Variants in MACROD2 observed in about 807,000 individuals in gnomAD.
MACROD2 encodes ADP-ribose glycohydrolase MACROD2.
Under a neutral mutation model 70.4 loss-of-function variants are expected in MACROD2, and 36 were observed. The observed-to-expected ratio is 0.51, with a 90% CI of 0.39 to 0.68. MACROD2 has a LOEUF of 0.68. Among genes scored for constraint, MACROD2 ranks in the 30% least tolerant of loss-of-function variants. MACROD2 has a pLI of 0.00. For missense variants in MACROD2, 496 were observed against 538.4 expected (o/e 0.92, Z 0.78); for synonymous variants, 172 against 178.8 (o/e 0.96, Z 0.30).
At chr20:15,171,889 C>T (rs2076425142) in intron 5 of MACROD2, among the ~76,000 whole-genome samples, 1 of 152,168 alleles carries the variant, frequency 6.6e-6, no homozygotes. Flanking sequence ...CCTTTATCAG[C>T]AGTGTCTACC....
At chr20:14,239,066 C>G (rs2081905815) in intron 3 of MACROD2, among the ~76,000 whole-genome samples, 1 of 148,470 alleles carries the variant, frequency 6.7e-6, no homozygotes, top group African/African-American at 2.5e-5. Context: ...CAGCAGCCTT[C>G]CTATACACCA....
chr20:14,846,286 C>T (rs140448756), intron 5 of MACROD2, among the ~76,000 whole-genome samples: 1,577 of 151,826 alleles, frequency 0.01, 28 homozygotes, highest in Non-Finnish European at 0.014. Context: ...AGTGCAGTGA[C>T]GATCTCGGCT....
At chr20:15,125,821 C>T (rs2076062093) in intron 5 of MACROD2, among the ~76,000 whole-genome samples, 1 of 151,702 alleles carries the variant, frequency 6.6e-6, no homozygotes, top group Non-Finnish European at 1.5e-5. Context: ...CAAAATAAAC[C>T]TTAGACCCAT....
At chr20:15,058,463 G>A (rs1289227207) in intron 5 of MACROD2, among the ~76,000 whole-genome samples, 1 of 152,088 alleles carries the variant, frequency 6.6e-6, no homozygotes, top group Non-Finnish European at 1.5e-5. Flanking sequence ...CTTAGCATAA[G>A]TACATCCCAA....
chr20:15,818,863 A>G (rs1600942862), intron 8 of MACROD2, among the ~76,000 whole-genome samples: 1 of 152,182 alleles, frequency 6.6e-6, no homozygotes, highest in Non-Finnish European at 1.5e-5. Flanking sequence ...CTCACCAAGA[A>G]GTCACGAACT....
intron 3 of MACROD2, among the ~76,000 whole-genome samples, chr20:14,363,144 A>AT (rs2083239112): frequency 6.6e-6 from 1 of 152,176 alleles, no homozygotes; most frequent in Admixed American, 6.5e-5. Flanking sequence ...CTCTCACTCT[A>AT]TATTTTATTA....
chr20:15,214,521 C>A (rs560391073), intron 5 of MACROD2, among the ~76,000 whole-genome samples: 1 of 151,926 alleles, frequency 6.6e-6, no homozygotes, highest in Non-Finnish European at 1.5e-5. Context: ...GATTCCATCT[C>A]TAAAAAAACA....
At chr20:14,109,988 G>T (rs974714764) in intron 3 of MACROD2, among the ~76,000 whole-genome samples, 46 of 151,810 alleles carry the variant, frequency 3.0e-4, no homozygotes, top group Non-Finnish European at 5.7e-4. Flanking sequence ...TAAAGTACAA[G>T]CAAACTGAAT....
chr20:16,013,433 C>T (rs1037523786), intron 15 of MACROD2, among the ~76,000 whole-genome samples: 1 of 152,026 alleles, frequency 6.6e-6, no homozygotes, highest in Non-Finnish European at 1.5e-5. Flanking sequence ...TTACCTTGTA[C>T]CTGTATCTAA....
At chr20:15,000,495 C>T (rs932723645) in intron 5 of MACROD2, among the ~76,000 whole-genome samples, 6 of 144,186 alleles carry the variant, frequency 4.2e-5, no homozygotes, top group South Asian at 2.2e-4. Flanking sequence ...CGGTGGCGGG[C>T]GCCTGTAGTC....
At chr20:14,227,135 C>G (rs2081745351) in intron 3 of MACROD2, among the ~76,000 whole-genome samples, 2 of 152,176 alleles carry the variant, frequency 1.3e-5, no homozygotes, top group East Asian at 3.9e-4. Context: ...TCTAGCTACT[C>G]TGGTGGGGCC....
chr20:14,874,868 C>G (rs1009324567), intron 5 of MACROD2, among the ~76,000 whole-genome samples: 1 of 151,532 alleles, frequency 6.6e-6, no homozygotes, highest in African/African-American at 2.4e-5. Flanking sequence ...CAACCCCTGG[C>G]TAATTTTTGT....
At chr20:14,083,529 A>AT (rs1332457025) in intron 2 of MACROD2, among the ~76,000 whole-genome samples, 5 of 152,174 alleles carry the variant, frequency 3.3e-5, no homozygotes, top group Non-Finnish European at 7.3e-5. Context: ...CATGGAGAGA[A>AT]TAATTTATCC....
At chr20:15,048,565 A>T (rs2075414078) in intron 5 of MACROD2, among the ~76,000 whole-genome samples, 1 of 152,176 alleles carries the variant, frequency 6.6e-6, no homozygotes, top group Admixed American at 6.6e-5. Context: ...ACAAATAAAT[A>T]TACATACATA....
rs145275505 is a variant in MACROD2, at chr20:14,121,588, G to A, written c.271+35860G>A. On this transcript the variant is annotated intron_variant, in intron 3 of 17. Coordinates refer to ENST00000684519, the MANE Select transcript of MACROD2 (RefSeq NM_001351661.2). Reference sequence around the variant, plus strand: ...ACCCTTCTATCTTTTGAAGTATTTGGTTAGATGAAATGTGGATAGTAACCA... The same window carrying A: ...ACCCTTCTATCTTTTGAAGTATTTGATTAGATGAAATGTGGATAGTAACCA... 7.6e-4 allele frequency among the ~76,000 whole-genome samples: 116 copies of A among 152,198 alleles called. 1 individual carries two copies. Among genetic ancestry groups the A allele is most frequent in the African/African-American group, 2.6e-3 (110 of 41,522 alleles).
At chr20:15,813,842 T>C (rs1359105140) in intron 8 of MACROD2, among the ~76,000 whole-genome samples, 1 of 152,202 alleles carries the variant, frequency 6.6e-6, no homozygotes, top group Non-Finnish European at 1.5e-5. Context: ...GTGTGATACA[T>C]GTGTACATAG....
intron 5 of MACROD2, among the ~76,000 whole-genome samples, chr20:15,186,999 G>A (rs2145909529): frequency 6.6e-6 from 1 of 152,032 alleles, no homozygotes; most frequent in East Asian, 1.9e-4. Context: ...CATTTTCTTT[G>A]TAATCCTATA....
intron 5 of MACROD2, among the ~76,000 whole-genome samples, chr20:14,851,254 T>G (rs1355226852): frequency 6.6e-6 from 1 of 152,154 alleles, no homozygotes; most frequent in Non-Finnish European, 1.5e-5. Context: ...CCACCGATAC[T>G]GGAGGCTGGA....
intron 2 of MACROD2, among the ~76,000 whole-genome samples, chr20:14,025,570 G>C (rs1326918673): frequency 1.3e-5 from 2 of 152,104 alleles, no homozygotes; most frequent in African/African-American, 4.8e-5. Context: ...TTTCAAAGAA[G>C]TCATTTATTT....
Sources: gnomAD v4.1 joint callset for allele counts (sites outside exome capture counted in the v4.1 genomes callset) on GRCh38, gnomAD v4.1.1 for gene constraint, MANE v1.5 for transcripts, NCBI Gene and HGNC (gene_info 2026-07-23, HGNC 2026-07-21) for gene names.